NCAM2: variants seen among roughly 807,000 people sequenced by gnomAD.
The protein encoded by NCAM2 is N-CAM-2.
Under a neutral mutation model 98.1 loss-of-function variants are expected in NCAM2, and 30 were observed. The ratio of observed to expected loss-of-function variants is 0.31; its 90% confidence interval spans 0.23 to 0.41. The LOEUF is 0.41. NCAM2 is among the 10% of genes least tolerant of loss of function. The pLI is 1.00. For missense variants in NCAM2, 867 were observed against 1,005.8 expected, an observed-to-expected ratio of 0.86 and a Z score of 1.87; for synonymous variants, 368 against 342.4, an observed-to-expected ratio of 1.07 and a Z score of -0.83.
intron 12 of NCAM2, among the ~76,000 whole-genome samples, chr21:21,442,281 G>A (rs1979408660): frequency 6.6e-6 from 1 of 152,088 alleles, no homozygotes; most frequent in East Asian, 1.9e-4. Flanking sequence ...AGTTGAGGAG[G>A]GATGGGAAGA....
chr21:21,389,568 T>G (rs572833319), intron 9 of NCAM2, among the ~76,000 whole-genome samples: 2 of 152,248 alleles, frequency 1.3e-5, no homozygotes, highest in South Asian at 4.1e-4. Context: ...CATTAACCAA[T>G]CTCTCTTCAT....
In NCAM2 at chr21:21,541,956, T is replaced by G. The variant is rs115959337; in HGVS notation, c.*3999T>G. 3.1e-3 allele frequency: 473 copies of G among 151,890 alleles called. 3 individuals carry two copies. The highest frequency in any genetic ancestry group is 0.011 in the African/African-American group (457 of 41,542). The allele number at this position is 151,890 out of a possible 1,614,324, so 9.4% of individuals were successfully genotyped here. On this transcript the variant is annotated 3_prime_UTR_variant, in exon 18 of 18. Coordinates refer to ENST00000400546, the MANE Select transcript of NCAM2 (RefSeq NM_004540.5). ...TTTAGAGAGAAAATATTTGCATCTG[T>G]TTATTTACCCTTTGAAGCATTAATA...
At chr21:21,434,164 A>C (rs189115858) in intron 12 of NCAM2, among the ~76,000 whole-genome samples, 1 of 152,240 alleles carries the variant, frequency 6.6e-6, no homozygotes, top group Non-Finnish European at 1.5e-5. Context: ...ATAACAAAGC[A>C]CATTCGTTAC....
intron 8 of NCAM2, among the ~76,000 whole-genome samples, chr21:21,366,503 T>A (rs2075790121): frequency 6.6e-6 from 1 of 152,112 alleles, no homozygotes; most frequent in Non-Finnish European, 1.5e-5. Context: ...CCACTTGTGC[T>A]GTCATAATTC....
intron 1 of NCAM2, among the ~76,000 whole-genome samples, chr21:21,156,622 G>A (rs915610071): frequency 8.0e-6 from 1 of 125,262 alleles, no homozygotes; most frequent in Non-Finnish European, 1.8e-5. Flanking sequence ...ATAGATAATT[G>A]TAGATATAGC....
intron 1 of NCAM2, among the ~76,000 whole-genome samples, chr21:21,128,758 T>G (rs1048708243): frequency 6.6e-6 from 1 of 152,240 alleles, no homozygotes; most frequent in South Asian, 2.1e-4. Context: ...GTTAAGAAAT[T>G]ATTTGACGTC....
chr21:21,262,658 CAAAA>C (rs33912324), intron 1 of NCAM2, among the ~76,000 whole-genome samples: 5 of 78,960 alleles, frequency 6.3e-5, no homozygotes, highest in East Asian at 4.9e-4. Flanking sequence ...AACAATCAGT[CAAAA>C]AAAAAAAAAA....
intron 1 of NCAM2, among the ~76,000 whole-genome samples, chr21:21,257,815 T>C (rs2071734262): frequency 6.6e-6 from 1 of 152,138 alleles, no homozygotes; most frequent in Admixed American, 6.5e-5. Flanking sequence ...ATTCCTGACC[T>C]CGTGATCTGC....
intron 1 of NCAM2, among the ~76,000 whole-genome samples, chr21:21,177,486 C>T (rs1486692572): frequency 6.6e-6 from 1 of 151,986 alleles, no homozygotes; most frequent in Non-Finnish European, 1.5e-5. Context: ...CTGAAATGCT[C>T]ACCATTTCCC....
intron 6 of NCAM2, among the ~76,000 whole-genome samples, chr21:21,331,584 G>T (rs1344856212): frequency 2.6e-3 from 4 of 1,550 alleles, no homozygotes; most frequent in African/African-American, 5.2e-3. Context: ...TATATAGAGA[G>T]AGAGAGAGAG....
chr21:21,404,617 A>G (rs1343464575), intron 9 of NCAM2, among the ~76,000 whole-genome samples: 1 of 152,002 alleles, frequency 6.6e-6, no homozygotes, highest in Non-Finnish European at 1.5e-5. Context: ...TACAGTATAT[A>G]TTTGTGTATA....
At chr21:21,038,584 C>A (rs1008425752) in intron 1 of NCAM2, among the ~76,000 whole-genome samples, 2 of 152,168 alleles carry the variant, frequency 1.3e-5, no homozygotes, top group Non-Finnish European at 2.9e-5. Flanking sequence ...AGTACTTTTC[C>A]TTGCTGCTGC....
At chr21:21,494,472 C>T (rs1012805070) in intron 15 of NCAM2, among the ~76,000 whole-genome samples, 3 of 151,102 alleles carry the variant, frequency 2.0e-5, no homozygotes, top group Non-Finnish European at 4.4e-5. Flanking sequence ...GGGTCATATT[C>T]ATGCAAATCT....
At position 21,538,007 on chromosome 21, in the gene NCAM2, C is replaced by A. The variant is rs149595362; in HGVS notation, c.*50C>A. The stretch of plus-strand genomic sequence containing the variant: ...AACACTACGAAGAGTATTTGGATTG[C>A]GTGACCCTATGACCAAAACTATTCC... On this transcript the variant is annotated 3_prime_UTR_variant, in exon 18 of 18. Coordinates refer to ENST00000400546, the MANE Select transcript of NCAM2 (RefSeq NM_004540.5). The A allele has an allele frequency of 2.7e-6, 3 of 1,124,270 alleles. No individual in the cohort carries two copies. The highest frequency in any genetic ancestry group is 1.3e-6 in the Non-Finnish European group (1 of 794,342). The allele number at this position is 1,124,270 out of a possible 1,614,324, so 69.6% of individuals were successfully genotyped here.
intron 6 of NCAM2, among the ~76,000 whole-genome samples, chr21:21,329,143 C>T (rs1185942865): frequency 1.3e-5 from 2 of 151,728 alleles, no homozygotes; most frequent in Non-Finnish European, 2.9e-5. Flanking sequence ...TTAGTAGAGA[C>T]GGGTTTCACC....
intron 1 of NCAM2, among the ~76,000 whole-genome samples, chr21:21,174,744 AT>A (rs1406432569): frequency 1.3e-5 from 2 of 152,154 alleles, no homozygotes; most frequent in African/African-American, 4.8e-5. Context: ...TTAAAAAAAA[AT>A]AAATAAATAC....
At chr21:21,210,604 C>T (rs868203661) in intron 1 of NCAM2, 2 of 1,288,666 alleles carry the variant, frequency 1.6e-6, no homozygotes, top group Non-Finnish European at 2.0e-6. Context: ...CCTTGATTAT[C>T]ACAACAGGCA....
chr21:21,111,000 A>G lies in NCAM2; in HGVS notation c.55+112382A>G, dbSNP rs542389633. Among the ~76,000 whole-genome samples, 64 of 152,242 alleles carry G rather than the reference A, an allele frequency of 4.2e-4. No homozygotes were observed. In the Middle Eastern group the frequency reaches 0.01, roughly 24 times the overall value. On this transcript the variant is annotated intron_variant, in intron 1 of 17. Coordinates refer to ENST00000400546, the MANE Select transcript of NCAM2 (RefSeq NM_004540.5). The stretch of plus-strand genomic sequence containing the variant: ...CTTACACAAAAAGAAATCATCATGC[A>G]TATGTTTCAGGAAAAGTATATTTGT...
At chr21:21,026,175 C>CGGGCT (rs1202612435) in intron 1 of NCAM2, among the ~76,000 whole-genome samples, 5 of 152,044 alleles carry the variant, frequency 3.3e-5, no homozygotes, top group Non-Finnish European at 7.4e-5. Context: ...AAGCAAGAGC[C>CGGGCT]GGGCTCAGCA....
Sources: gnomAD v4.1 joint callset for allele counts (sites outside exome capture counted in the v4.1 genomes callset) on GRCh38, gnomAD v4.1.1 for gene constraint, MANE v1.5 for transcripts, NCBI Gene and HGNC (gene_info 2026-07-23, HGNC 2026-07-21) for gene names.